Variants in RHBDL2 observed in about 807,000 individuals in gnomAD.
RHBDL2 encodes rhomboid-related protein 2.
RHBDL2 carries 26 observed loss-of-function variants against 31.7 expected under a neutral mutation model. The ratio of observed to expected loss-of-function variants is 0.82; its 90% CI spans 0.60 to 1.14. RHBDL2 has a LOEUF of 1.14. RHBDL2 is among the 50% of genes most tolerant of loss of function. The pLI is 0.00. For synonymous variants in RHBDL2, 123 were observed against 127.2 expected (o/e 0.97, Z 0.22); for missense variants, 336 against 364.4 (o/e 0.92, Z 0.63).
At chr1:38,911,634 GTGTGTGTGTGT>G (rs1643146420) in intron 3 of RHBDL2, among the ~76,000 whole-genome samples, 200 bp from the exon 4 acceptor site, 1 of 125,326 alleles carries the variant, frequency 8.0e-6, no homozygotes, top group Non-Finnish European at 1.7e-5. Flanking sequence ...GTGTGTGTGT[GTGTGTGTGTGT>G]GCGCGCGCGC....
intron 1 of RHBDL2, among the ~76,000 whole-genome samples, chr1:38,925,074 C>T (rs761593268): frequency 2.6e-5 from 4 of 151,840 alleles, no homozygotes; most frequent in Non-Finnish European, 5.9e-5. Context: ...AACCACCATG[C>T]CCAGCCGAAA....
At chr1:38,939,251 T>C (rs1643538796) in intron 1 of RHBDL2, among the ~76,000 whole-genome samples, 1 of 152,160 alleles carries the variant, frequency 6.6e-6, no homozygotes, top group Admixed American at 6.6e-5. Context: ...TTCTTTTTTC[T>C]TTTCCTTGAG....
intron 6 of RHBDL2, among the ~76,000 whole-genome samples, chr1:38,888,600 G>C (rs4607833): frequency 0.36 from 54,641 of 152,010 alleles, 10,992 homozygotes; most frequent in Non-Finnish European, 0.45. Flanking sequence ...CAAGTACAAA[G>C]TCCCTAAGCA....
At chr1:38,904,068 C>CA (rs1417720178) in intron 4 of RHBDL2, among the ~76,000 whole-genome samples, 3 of 152,150 alleles carry the variant, frequency 2.0e-5, no homozygotes, top group South Asian at 2.1e-4. Flanking sequence ...CTTCCCCTTG[C>CA]AAAAATACCA....
intron 4 of RHBDL2, among the ~76,000 whole-genome samples, chr1:38,908,659 G>T (rs1643101236): frequency 6.6e-6 from 1 of 152,138 alleles, no homozygotes; most frequent in Non-Finnish European, 1.5e-5. Flanking sequence ...AAACCTCTGG[G>T]GGAGTATTCA....
intron 1 of RHBDL2, among the ~76,000 whole-genome samples, chr1:38,922,627 C>T (rs562902708): frequency 1.5e-5 from 2 of 137,794 alleles, no homozygotes; most frequent in African/African-American, 5.6e-5. Flanking sequence ...CACCCTGTTT[C>T]CTGAGAACAG....
chr1:38,912,910 A>ATATATATATATATATATATATGTGTG (rs1399583863), intron 3 of RHBDL2, among the ~76,000 whole-genome samples: 10 of 41,366 alleles, frequency 2.4e-4, no homozygotes, highest in African/African-American at 9.2e-4. Context: ...ATATATATAT[A>ATATATATATATATATATATATGTGTG]TGTGTGTGTG....
chr1:38,893,022 C>T (rs1642873612), intron 6 of RHBDL2, 142 bp downstream of exon 6: 1 of 483,158 alleles, frequency 2.1e-6, no homozygotes, highest in Non-Finnish European at 3.8e-6. Context: ...TTCTTTTGTA[C>T]TTCAGACATA....
chr1:38,941,259 C>G (rs2124361349), intron 1 of RHBDL2, among the ~76,000 whole-genome samples: 1 of 152,296 alleles, frequency 6.6e-6, no homozygotes, highest in East Asian at 1.9e-4. Context: ...GAGACTGTCT[C>G]CCTGGCTGTG....
At chr1:38,925,877 G>T in intron 1 of RHBDL2, 2 of 1,071,428 alleles carry the variant, frequency 1.9e-6, no homozygotes, top group Non-Finnish European at 2.5e-6. Flanking sequence ...CAGTAGGCCT[G>T]GCTCACTAAC....
chr1:38,912,331 C>G (rs1055045188), intron 3 of RHBDL2, among the ~76,000 whole-genome samples: 2 of 151,808 alleles, frequency 1.3e-5, no homozygotes, highest in African/African-American at 4.8e-5. Context: ...GTCTCGAACT[C>G]CTGACCTCAT....
intron 1 of RHBDL2, among the ~76,000 whole-genome samples, chr1:38,937,966 C>G (rs565345155): frequency 6.6e-6 from 1 of 152,198 alleles, no homozygotes; most frequent in East Asian, 1.9e-4. Flanking sequence ...TCCTAGGCCC[C>G]TACACATCAG....
chr1:38,923,879 A>C (rs1643343505), intron 1 of RHBDL2, among the ~76,000 whole-genome samples: 1 of 152,102 alleles, frequency 6.6e-6, no homozygotes, highest in African/African-American at 2.4e-5. Context: ...ACAGATCAAA[A>C]CTGGGTGGCA....
chr1:38,886,735 G>T, intron 7 of RHBDL2, 52 bp from the exon 8 acceptor site: 1 of 1,343,714 alleles, frequency 7.4e-7, no homozygotes, highest in Non-Finnish European at 1.0e-6. Context: ...TGCTAATTGT[G>T]TATTTCAGTT....
intron 6 of RHBDL2, among the ~76,000 whole-genome samples, chr1:38,890,706 A>AT (rs144506667): frequency 0.097 from 14,131 of 146,072 alleles, 684 homozygotes; most frequent in Middle Eastern, 0.16. Context: ...CTTCATATGG[A>AT]TTTTTTTTTT....
chr1:38,920,518 C>T (rs1390184219), intron 1 of RHBDL2, among the ~76,000 whole-genome samples: 1 of 151,698 alleles, frequency 6.6e-6, no homozygotes, highest in African/African-American at 2.4e-5. Flanking sequence ...TATAGACACG[C>T]CACATTTTGT....
chr1:38,919,455 T>G (rs934789545), intron 1 of RHBDL2, 118 bp from the exon 2 acceptor site: 2 of 944,776 alleles, frequency 2.1e-6, no homozygotes, highest in Middle Eastern at 3.3e-4. Flanking sequence ...GAGATTAAAA[T>G]GCAGCTCTAC....
chr1:38,937,501 G>A (rs1235909304), intron 1 of RHBDL2, among the ~76,000 whole-genome samples: 1 of 152,064 alleles, frequency 6.6e-6, no homozygotes, highest in Admixed American at 6.6e-5. Flanking sequence ...CAGACAAGCA[G>A]ATGACTTTTA....
At chr1:38,891,275 A>G (rs1031207771) in intron 6 of RHBDL2, among the ~76,000 whole-genome samples, 2 of 151,854 alleles carry the variant, frequency 1.3e-5, no homozygotes, top group African/African-American at 4.8e-5. Flanking sequence ...AAAAAAAAAA[A>G]AAAAAAGAAG....
Sources: gnomAD v4.1 joint callset for allele counts (sites outside exome capture counted in the v4.1 genomes callset) on GRCh38, gnomAD v4.1.1 for gene constraint, MANE v1.5 for transcripts, NCBI Gene and HGNC (gene_info 2026-07-23, HGNC 2026-07-21) for gene names.